COL6A6: variants seen among roughly 807,000 people sequenced by gnomAD.
The protein encoded by COL6A6 is collagen alpha-6(VI) chain.
In COL6A6, 183 loss-of-function variants were observed where a neutral mutation model predicts 208.6. That is an observed-to-expected ratio of 0.88 (90% CI 0.78 to 0.99). The LOEUF (loss-of-function observed/expected upper bound fraction) is 0.99, where lower values mean the gene tolerates loss of function less well. Among genes scored for constraint, COL6A6 ranks in the 50% least tolerant of loss-of-function variants. The pLI, the probability that COL6A6 is intolerant of heterozygous loss-of-function variation, is 0.00. For missense variants in COL6A6, 2,816 were observed against 2,815.2 expected, an observed-to-expected ratio of 1.00 and a Z score of -0.01; for synonymous variants, 973 against 1,011.8, an observed-to-expected ratio of 0.96 and a Z score of 0.73.
intron 1 of COL6A6, among the ~76,000 whole-genome samples, chr3:130,546,347 G>A (rs2062496379): frequency 6.6e-6 from 1 of 152,136 alleles, no homozygotes; most frequent in Non-Finnish European, 1.5e-5. Flanking sequence ...CCTCCCAGTG[G>A]GTTCGTGGTC....
chr3:130,673,208 CAAAA>C (rs1391554013), intron 36 of COL6A6, among the ~76,000 whole-genome samples: 1 of 95,518 alleles, frequency 1.0e-5, no homozygotes, highest in Non-Finnish European at 1.9e-5. Flanking sequence ...ACAAAAAAAA[CAAAA>C]AAAACAAAAA....
chr3:130,573,830 A>G, intron 7 of COL6A6, 126 bp from the exon 8 acceptor site: 3 of 646,682 alleles, frequency 4.6e-6, no homozygotes, highest in East Asian at 5.5e-5. Context: ...CGGCCTCCCA[A>G]AGTGCTGGGA....
intron 33 of COL6A6, among the ~76,000 whole-genome samples, chr3:130,656,502 T>C (rs1300724896): frequency 6.6e-6 from 1 of 152,088 alleles, no homozygotes; most frequent in Non-Finnish European, 1.5e-5. Flanking sequence ...AGGGTTTTTA[T>C]GGGTTTCAGA....
At chr3:130,665,368 G>A (rs1324644267) in intron 36 of COL6A6, among the ~76,000 whole-genome samples, 1 of 152,028 alleles carries the variant, frequency 6.6e-6, no homozygotes, top group Admixed American at 6.6e-5. Flanking sequence ...CAATGAGCAT[G>A]CCTGATAACC....
In COL6A6 at chr3:130,638,065, A is replaced by G. The variant is rs867154680; in HGVS notation, c.5091+2304A>G. On this transcript the variant is annotated intron_variant, in intron 28 of 36. Transcript: ENST00000358511. ...AGACATTGCCATATGTCCCAGGGAAAAAAAGGAGTCAAAATTCTCCCTTGC... is the reference window on the plus strand; with the variant it reads ...AGACATTGCCATATGTCCCAGGGAAGAAAAGGAGTCAAAATTCTCCCTTGC... Among the ~76,000 whole-genome samples, 115 of 152,200 alleles carry G rather than the reference A, an allele frequency of 7.6e-4. No individual in the cohort carries two copies. In the Middle Eastern group the frequency reaches 0.01, roughly 14 times the overall value.
intron 2 of COL6A6, among the ~76,000 whole-genome samples, chr3:130,561,559 C>T (rs1405444274): frequency 6.6e-6 from 1 of 150,560 alleles, no homozygotes; most frequent in Non-Finnish European, 1.5e-5. Flanking sequence ...TTGATTAGAA[C>T]TTACCTAGTA....
rs773261973 is a variant in COL6A6 at position 130,563,081 on chromosome 3, A to G, written c.78A>G (p.Ala26=). The G allele has an allele frequency of 6.2e-7, 1 of 1,610,574 alleles. No individual in the cohort carries two copies. Among genetic ancestry groups the G allele is most frequent in the Non-Finnish European group, 8.5e-7 (1 of 1,177,748 alleles). ...GTGGTTTTGCAGGCCCTGAGTATGCAGATGTTGTGTTTTTGGTGGACAGCT... is the reference window on the plus strand; with the variant it reads ...GTGGTTTTGCAGGCCCTGAGTATGCGGATGTTGTGTTTTTGGTGGACAGCT... ...SVNQDSGPEY[A]DVVFLVDSSD... is the part of the protein sequence containing the mutation. The change falls in exon 3 of 37, where the codon GCA becomes GCG. Residue 26 remains alanine, a synonymous_variant. Coordinates refer to ENST00000358511, the MANE Select transcript of COL6A6 (RefSeq NM_001102608.3).
intron 1 of COL6A6, among the ~76,000 whole-genome samples, chr3:130,538,314 A>G (rs770939746): frequency 2.0e-5 from 3 of 152,242 alleles, no homozygotes. Context: ...CAAATGTTAT[A>G]CAAGCCTGTA....
intron 6 of COL6A6, among the ~76,000 whole-genome samples, chr3:130,570,248 A>G (rs2063128778): frequency 6.6e-6 from 1 of 152,236 alleles, no homozygotes; most frequent in African/African-American, 2.4e-5. Context: ...GCTTATTTCT[A>G]TGATGAAACC....
chr3:130,672,093 T>A (rs1343933434), intron 36 of COL6A6, among the ~76,000 whole-genome samples: 1 of 152,242 alleles, frequency 6.6e-6, no homozygotes, highest in Non-Finnish European at 1.5e-5. Context: ...ATAGAAGCAA[T>A]CTTGTCTGCA....
chr3:130,534,292 A>G (rs1000876048), intron 1 of COL6A6, among the ~76,000 whole-genome samples: 37 of 152,150 alleles, frequency 2.4e-4, no homozygotes, highest in African/African-American at 7.7e-4. Flanking sequence ...TCATGTGGCT[A>G]TTGACCATTC....
intron 10 of COL6A6, among the ~76,000 whole-genome samples, chr3:130,586,239 CTG>C (rs1400408792): frequency 6.6e-6 from 1 of 152,216 alleles, no homozygotes; most frequent in African/African-American, 2.4e-5. Flanking sequence ...TCTTTTAGAA[CTG>C]TCTCCTTCAA....
At chr3:130,644,144 A>G (rs935386359) in intron 31 of COL6A6, among the ~76,000 whole-genome samples, 1 of 152,250 alleles carries the variant, frequency 6.6e-6, no homozygotes, top group Non-Finnish European at 1.5e-5. Context: ...AGAACAAAAA[A>G]GAAATCATAA....
Position 130,608,964 on chromosome 3 carries a change from G to C in COL6A6, c.4752G>C (p.Gln1584His). The change falls in exon 22 of 37, where the codon CAG (glutamine) becomes CAC (histidine). Residue 1584 changes from glutamine to histidine, a missense_variant and splice_region_variant. Coordinates refer to ENST00000358511, the MANE Select transcript of COL6A6 (RefSeq NM_001102608.3). ...LEGSLGLKGPQGPRGEAGVKG... is the reference protein window; with the variant it reads ...LEGSLGLKGPHGPRGEAGVKG... ...GCTCCCTGGGACTTAAGGGCCCTCA[G>C]GTACATATCAAGACCAATCAGGGTG... The C allele has an allele frequency of 1.2e-6, 2 of 1,610,798 alleles. No individual in the cohort carries two copies. Among genetic ancestry groups the C allele is most frequent in the Non-Finnish European group, 1.7e-6 (2 of 1,177,636 alleles).
Position 130,635,694 on chromosome 3 carries a change from T to G in COL6A6, c.5029-5T>G. 1 of 1,596,194 alleles carries G rather than the reference T, an allele frequency of 6.3e-7. No homozygotes were observed. The highest frequency in any genetic ancestry group is 8.6e-7 in the Non-Finnish European group (1 of 1,164,708). On this transcript the variant is annotated splice_region_variant and splice_polypyrimidine_tract_variant and intron_variant, in intron 27 of 36. Coordinates refer to ENST00000358511, the MANE Select transcript of COL6A6 (RefSeq NM_001102608.3). ...TAACTATTTTACTTTAATAAATGTA[T>G]TTAGGGTGAGATTGGGGACCCTGGT...
At chr3:130,599,065 T>G (rs1199747753) in intron 19 of COL6A6, among the ~76,000 whole-genome samples, 1 of 152,222 alleles carries the variant, frequency 6.6e-6, no homozygotes, top group Non-Finnish European at 1.5e-5. Flanking sequence ...GCTCCGTTGC[T>G]TACCAGCTCT....
chr3:130,551,878 A>G (rs1313341562), intron 1 of COL6A6, among the ~76,000 whole-genome samples: 1 of 152,086 alleles, frequency 6.6e-6, no homozygotes, highest in East Asian at 1.9e-4. Context: ...CATTAGTTTC[A>G]AAGATCTTCT....
At chr3:130,541,113 A>C (rs1292583693) in intron 1 of COL6A6, among the ~76,000 whole-genome samples, 10 of 152,236 alleles carry the variant, frequency 6.6e-5, no homozygotes, top group African/African-American at 2.4e-4. Context: ...AAACAAATTT[A>C]CAAGGAAAAA....
rs190539863 is a variant in COL6A6, at chr3:130,598,608, G to A, written c.4599+178G>A. Among the ~76,000 whole-genome samples, 14 of 152,288 alleles carry A rather than the reference G, an allele frequency of 9.2e-5. No homozygotes were observed. The East Asian group carries it at 9.7e-4, about 10-fold the overall frequency. Reference sequence around the variant, plus strand: ...CTGCCTATGTACTACTCTGGGATTTGAGAAACATTCTTGCCTTCCTCCTCT... The same window carrying A: ...CTGCCTATGTACTACTCTGGGATTTAAGAAACATTCTTGCCTTCCTCCTCT... On this transcript the variant is annotated intron_variant, in intron 19 of 36. Coordinates refer to ENST00000358511, the MANE Select transcript of COL6A6 (RefSeq NM_001102608.3).
Sources: allele counts gnomAD v4.1 joint callset (sites outside exome capture counted in the v4.1 genomes callset), GRCh38; gene constraint gnomAD v4.1.1; transcripts MANE v1.5; gene names NCBI Gene and HGNC (gene_info 2026-07-23, HGNC 2026-07-21).